The following ENPEP variants were observed in gnomAD, a reference collection of about 807,000 sequenced individuals.
The protein encoded by ENPEP is AP-A.
Under a neutral mutation model 114.5 loss-of-function variants are expected in ENPEP, and 103 were observed. The observed-to-expected ratio is 0.90, with a 90% CI of 0.77 to 1.06. The LOEUF (loss-of-function observed/expected upper bound fraction) is 1.06, where lower values mean the gene tolerates loss of function less well. Among genes scored for constraint, ENPEP ranks in the 50% least tolerant of loss-of-function variants. The pLI, the probability that ENPEP is intolerant of heterozygous loss-of-function variation, is 0.00. For synonymous variants in ENPEP, 420 were observed against 422.0 expected (o/e 1.00, Z 0.06); for missense variants, 1,196 against 1,161.3 (o/e 1.03, Z -0.43).
At chr4:110,492,362 G>T (rs1724756938) in intron 3 of ENPEP, among the ~76,000 whole-genome samples, 1 of 152,128 alleles carries the variant, frequency 6.6e-6, no homozygotes, top group Admixed American at 6.5e-5. Context: ...GTGATATTCT[G>T]AAAATATCTT....
intron 18 of ENPEP, 152 bp from the exon 19 acceptor site, chr4:110,559,495 G>T: frequency 3.3e-6 from 2 of 606,248 alleles, no homozygotes; most frequent in Non-Finnish European, 5.9e-6. Flanking sequence ...TGAATAGAAT[G>T]ATTTTAAGTA....
At chr4:110,491,893 G>A (rs985365870) in intron 3 of ENPEP, among the ~76,000 whole-genome samples, 3 of 151,760 alleles carry the variant, frequency 2.0e-5, no homozygotes, top group Admixed American at 2.0e-4. Flanking sequence ...GCTAATTTTT[G>A]TATTTTTAGT....
intron 1 of ENPEP, among the ~76,000 whole-genome samples, chr4:110,479,196 C>T (rs78177211): frequency 0.018 from 2,733 of 152,198 alleles, 81 homozygotes; most frequent in African/African-American, 0.063. Flanking sequence ...ACATGCTTTT[C>T]CAATATAGCA....
chr4:110,506,252 T>C (rs1352515950), intron 3 of ENPEP: 3 of 155,458 alleles, frequency 1.9e-5, no homozygotes, highest in Non-Finnish European at 4.2e-5. Flanking sequence ...AAGAGAGAAA[T>C]TGATAGGTGG....
intron 11 of ENPEP, among the ~76,000 whole-genome samples, 194 bp downstream of exon 11, chr4:110,531,471 A>T (rs371610868): frequency 1.3e-5 from 2 of 152,238 alleles, no homozygotes; most frequent in South Asian, 2.1e-4. Flanking sequence ...CTTTTCAATG[A>T]TTTATCTTGA....
chr4:110,496,665 T>A (rs35269579), intron 3 of ENPEP, among the ~76,000 whole-genome samples: 57,444 of 152,046 alleles, frequency 0.38, 11,428 homozygotes, highest in East Asian at 0.51. Flanking sequence ...TTTATGATCC[T>A]GACACTTTTT....
chr4:110,492,809 G>A (rs561999503), intron 3 of ENPEP, among the ~76,000 whole-genome samples: 5 of 152,160 alleles, frequency 3.3e-5, no homozygotes, highest in South Asian at 4.1e-4. Flanking sequence ...TTTTCTTTCC[G>A]TCTCATAACA....
At chr4:110,553,617 C>A in intron 18 of ENPEP, 162 bp downstream of exon 18, 1 of 603,434 alleles carries the variant, frequency 1.7e-6, no homozygotes, top group Non-Finnish European at 2.5e-6. Flanking sequence ...AAGCAATGTA[C>A]TAGTTAATTT....
intron 6 of ENPEP, 129 bp downstream of exon 6, chr4:110,510,487 G>A (rs1725534013): frequency 1.3e-6 from 1 of 751,462 alleles, no homozygotes; most frequent in Middle Eastern, 2.4e-4. Context: ...TCCACTGTGA[G>A]GATAGGGTGG....
chr4:110,563,074 A>C lies in ENPEP; in HGVS notation c.*1516A>C, dbSNP rs1453039214. 1 of 152,142 alleles carries C rather than the reference A, an allele frequency of 6.6e-6. No homozygotes were observed. The highest frequency in any genetic ancestry group is 1.5e-5 in the Non-Finnish European group (1 of 68,016). The allele number at this position is 152,142 out of a possible 1,614,324, so 9.4% of individuals were successfully genotyped here. ...GAAGAAGAAATTTCCAGACCAAAAA[A>C]TATTAAATATTATTTTAAATTATTT... On this transcript the variant is annotated 3_prime_UTR_variant, in exon 20 of 20. Transcript: ENST00000265162.
At chr4:110,494,414 C>G (rs1187497325) in intron 3 of ENPEP, among the ~76,000 whole-genome samples, 1 of 152,100 alleles carries the variant, frequency 6.6e-6, no homozygotes, top group African/African-American at 2.4e-5. Context: ...TTATGTACAC[C>G]ATTAATAGGT....
rs771555511 is a variant in ENPEP, at chr4:110,476,927, C to G, written c.513C>G (p.Val171=). 6.2e-7 allele frequency: 1 copy of G among 1,614,050 alleles called. No homozygotes were observed. Among genetic ancestry groups the G allele is most frequent in the South Asian group, 1.1e-5 (1 of 91,058 alleles). Residue 171 remains valine, a synonymous_variant, in exon 1 of 20, where the codon GTC becomes GTG. Transcript: ENST00000265162. ...ACAAAAAGCAGGAGTACGTGGTGGT[C>G]GAGGCGGAGGAAGAGCTTACCCCCA... The part of the protein sequence containing the change: ...FEYKKQEYVV[V]EAEEELTPSS...
rs767982175 is a variant in ENPEP at position 110,476,695 on chromosome 4, C to T, written c.281C>T (p.Pro94Leu). Reference sequence around the variant, plus strand: ...GGACAGTGGAAAAACTTTCGACTGCCGGACTTCGTCAACCCAGTCCACTAC... The same window carrying T: ...GGACAGTGGAAAAACTTTCGACTGCTGGACTTCGTCAACCCAGTCCACTAC... ...ESGQWKNFRL[P>L]DFVNPVHYDL... is the part of the protein sequence containing the mutation. The change falls in exon 1 of 20, where the codon CCG becomes CTG. Residue 94 changes from proline (P) to leucine (L), a missense_variant. Physicochemically the swap from Pro to Leu is moderately conservative, Grantham distance 98. Transcript: ENST00000265162. 4 of 1,613,694 alleles carry T rather than the reference C, an allele frequency of 2.5e-6. No individual in the cohort carries two copies. Among genetic ancestry groups the T allele is most frequent in the Admixed American group, 1.7e-5 (1 of 60,012 alleles).
chr4:110,544,349 C>G (rs1461154452), intron 13 of ENPEP, among the ~76,000 whole-genome samples: 3 of 152,016 alleles, frequency 2.0e-5, no homozygotes, highest in Admixed American at 2.0e-4. Flanking sequence ...CAAAATGCAT[C>G]CACCGTTAAT....
Position 110,515,432 on chromosome 4 carries a change from A to G in ENPEP, c.1499A>G (p.Lys500Arg). ...TGGATAAAACCAGAGAATTTTCAAA[A>G]AGGATGTCAGGTATGATTTATTACT... ...EDWIKPENFQKGCQMYLEKYQ... is the reference protein window; with the variant it reads ...EDWIKPENFQRGCQMYLEKYQ... The change falls in exon 8 of 20, where the codon AAA becomes AGA. Residue 500 changes from lysine (K) to arginine (R), a missense_variant. Physicochemically the swap from Lys to Arg is conservative, Grantham distance 26. Coordinates refer to ENST00000265162, the MANE Select transcript of ENPEP (RefSeq NM_001977.4). The G allele has an allele frequency of 1.3e-6, 2 of 1,591,632 alleles. No individual in the cohort carries two copies. The highest frequency in any genetic ancestry group is 1.7e-6 in the Non-Finnish European group (2 of 1,174,136).
chr4:110,554,087 A>C (rs1250233250), intron 18 of ENPEP, among the ~76,000 whole-genome samples: 1 of 152,014 alleles, frequency 6.6e-6, no homozygotes, highest in African/African-American at 2.4e-5. Context: ...TACTCTAAAT[A>C]TAATGCACAA....
At position 110,505,065 on chromosome 4, in the gene ENPEP, C is replaced by T. The variant is rs528559532; in HGVS notation, c.919-1572C>T. Among the ~76,000 whole-genome samples the T allele has an allele frequency of 2.0e-5, 3 of 152,274 alleles. No individual in the cohort carries two copies. The East Asian group carries it at 5.8e-4, about 29-fold the overall frequency. On this transcript the variant is annotated intron_variant, in intron 3 of 19. Coordinates refer to ENST00000265162, the MANE Select transcript of ENPEP (RefSeq NM_001977.4). ...GAGAGTTTTGACACACCAATTAGTT[C>T]ACAGAAGAAAAATTCTGAGACTCTT...
chr4:110,487,226 A>G (rs1724539185), intron 1 of ENPEP, among the ~76,000 whole-genome samples: 1 of 152,158 alleles, frequency 6.6e-6, no homozygotes, highest in Non-Finnish European at 1.5e-5. Context: ...TCTTGTAGCT[A>G]ATTTGTTAGT....
At position 110,561,393 on chromosome 4, in the gene ENPEP, CT is replaced by C; in HGVS notation, c.2722-12del. On this transcript the variant is annotated splice_polypyrimidine_tract_variant and intron_variant, in intron 19 of 19. Transcript: ENST00000265162. The stretch of plus-strand genomic sequence containing the variant: ...ATAAATGACAATCCTAATTACTCCC[CT>C]CTCTTTTCTAGATGGAGAGCTTTTT... 6.2e-7 allele frequency: 1 copy of C among 1,612,356 alleles called. No individual in the cohort carries two copies. The highest frequency in any genetic ancestry group is 2.2e-5 in the East Asian group (1 of 44,842).
Sources: allele counts gnomAD v4.1 joint callset (sites outside exome capture counted in the v4.1 genomes callset), GRCh38; gene constraint gnomAD v4.1.1; transcripts MANE v1.5; gene names NCBI Gene and HGNC (gene_info 2026-07-23, HGNC 2026-07-21).